CLOCK: variants seen among roughly 807,000 people sequenced by gnomAD.
CLOCK encodes the protein circadian locomoter output cycles protein kaput.
CLOCK carries 43 observed loss-of-function variants against 118.4 expected under a neutral mutation model. The observed-to-expected ratio is 0.36, with a 90% confidence interval of 0.28 to 0.47. The LOEUF is 0.47. Among genes scored for constraint, CLOCK ranks in the 20% least tolerant of loss-of-function variants. CLOCK has a pLI of 1.00. For synonymous variants in CLOCK, 326 were observed against 339.2 expected, an observed-to-expected ratio of 0.96 and a Z score of 0.43; for missense variants, 846 against 999.9, an observed-to-expected ratio of 0.85 and a Z score of 2.08.
intron 1 of CLOCK, among the ~76,000 whole-genome samples, chr4:55,544,423 T>C (rs1356637278): frequency 6.6e-6 from 1 of 152,142 alleles, no homozygotes; most frequent in Non-Finnish European, 1.5e-5. Context: ...AACTACACTC[T>C]GAAAGCAGCA....
rs566981369 is a variant in CLOCK, at chr4:55,531,876, T to C, written c.-290+14906A>G. ...GAAAAGAAAACCACGGTAATAACCATAATGAATAGTGATTTTTTAAATGTT... is the reference window on the plus strand; with the variant it reads ...GAAAAGAAAACCACGGTAATAACCACAATGAATAGTGATTTTTTAAATGTT... On this transcript the variant is annotated intron_variant, in intron 1 of 22. Coordinates refer to ENST00000513440, the MANE Select transcript of CLOCK (RefSeq NM_004898.4). Among the ~76,000 whole-genome samples the C allele has an allele frequency of 4.1e-5, 6 of 146,694 alleles. No individual in the cohort carries two copies. In the South Asian group the frequency reaches 1.3e-3, roughly 32 times the overall value.
At chr4:55,460,268 T>C (rs547242140) in intron 9 of CLOCK, among the ~76,000 whole-genome samples, 1 of 152,302 alleles carries the variant, frequency 6.6e-6, no homozygotes, top group Admixed American at 6.5e-5. Context: ...TGCTAATCCA[T>C]TTTCATACTA....
At chr4:55,540,379 A>C (rs1349616326) in intron 1 of CLOCK, 1 of 84,684 alleles carries the variant, frequency 1.2e-5, no homozygotes, top group Non-Finnish European at 2.2e-5. Context: ...GGGGCAAGAG[A>C]GGAGGGGAGA....
chr4:55,448,643 T>TGCGC (rs1180306682), intron 18 of CLOCK, 136 bp downstream of exon 18: 1 of 578,830 alleles, frequency 1.7e-6, no homozygotes, highest in African/African-American at 1.9e-5. Flanking sequence ...TGTGTGTGTG[T>TGCGC]GCTCCTACCT....
At chr4:55,470,679 T>A (rs1321830125) in intron 8 of CLOCK, 38 bp downstream of exon 8, 2 of 1,402,202 alleles carry the variant, frequency 1.4e-6, no homozygotes, top group African/African-American at 1.4e-5. Context: ...AAAATAGGCA[T>A]TTTAATACGA....
intron 3 of CLOCK, among the ~76,000 whole-genome samples, chr4:55,487,540 T>C (rs1727374628): frequency 6.6e-6 from 1 of 152,176 alleles, no homozygotes; most frequent in Non-Finnish European, 1.5e-5. Context: ...TTTTAACATG[T>C]CACCCCCATT....
chr4:55,451,398 CCT>C (rs112139787), intron 15 of CLOCK, among the ~76,000 whole-genome samples: 5 of 152,172 alleles, frequency 3.3e-5, no homozygotes, highest in Admixed American at 6.5e-5. Flanking sequence ...CTATTACCCC[CCT>C]GTTGTTGATT....
rs369874011 is a variant in CLOCK, at chr4:55,484,958, ATCTC to A, written c.-43-2134_-43-2131del. Among the ~76,000 whole-genome samples, 1,108 of 150,998 alleles carry A rather than the reference ATCTC, an allele frequency of 7.3e-3. 13 individuals are homozygous for A. The highest frequency in any genetic ancestry group is 0.025 in the African/African-American group (1,028 of 41,202). On this transcript the variant is annotated intron_variant, in intron 3 of 22. Coordinates refer to ENST00000513440, the MANE Select transcript of CLOCK (RefSeq NM_004898.4). ...CGTCCAGCTAATAGAACAACGTAAG[ATCTC>A]TCTCTCTCTCTCTTTTTTTGAGACA... is the stretch of plus-strand genomic sequence containing the variant.
At chr4:55,509,369 T>G (rs969101467) in intron 2 of CLOCK, among the ~76,000 whole-genome samples, 2 of 152,190 alleles carry the variant, frequency 1.3e-5, no homozygotes, top group African/African-American at 4.8e-5. Context: ...AACTTTCACG[T>G]GTCACAAGTT....
In CLOCK at chr4:55,430,948, ATCAC is replaced by A. The variant is rs899753802; in HGVS notation, c.*4463_*4466del. ...TCAAAGTTCATTTGGCTATCTTGAA[ATCAC>A]TCCCATAAACCAACTACGGTTCACT... is the stretch of plus-strand genomic sequence containing the variant. On this transcript the variant is annotated 3_prime_UTR_variant, in exon 23 of 23. Transcript: ENST00000513440. 1 of 152,206 alleles carries A rather than the reference ATCAC, an allele frequency of 6.6e-6. No individual in the cohort carries two copies. The highest frequency in any genetic ancestry group is 2.4e-5 in the African/African-American group (1 of 41,444). The allele number at this position is 152,206 out of a possible 1,614,324, so 9.4% of individuals were successfully genotyped here.
chr4:55,475,534 T>A (rs1288873492), intron 7 of CLOCK, among the ~76,000 whole-genome samples: 1 of 152,124 alleles, frequency 6.6e-6, no homozygotes, highest in Non-Finnish European at 1.5e-5. Context: ...TACAGAGAAA[T>A]CTTGAAAGGA....
chr4:55,453,934 T>G, intron 13 of CLOCK, 110 bp from the exon 14 acceptor site: 1 of 830,456 alleles, frequency 1.2e-6, no homozygotes, highest in Non-Finnish European at 1.9e-6. Flanking sequence ...ATTATTTTTC[T>G]GGCCTTTTGA....
At chr4:55,529,111 T>C (rs563814433) in intron 1 of CLOCK, among the ~76,000 whole-genome samples, 2 of 152,300 alleles carry the variant, frequency 1.3e-5, no homozygotes, top group South Asian at 2.1e-4. Context: ...TCCCCAGATA[T>C]ACAAGAAGAA....
chr4:55,437,194 G>T (rs1302461238), intron 22 of CLOCK, among the ~76,000 whole-genome samples: 1 of 152,100 alleles, frequency 6.6e-6, no homozygotes, highest in Non-Finnish European at 1.5e-5. Context: ...ACAAAGACAA[G>T]GATTATATTT....
intron 8 of CLOCK, among the ~76,000 whole-genome samples, chr4:55,465,572 G>T (rs1725678293): frequency 1.3e-5 from 2 of 152,152 alleles, no homozygotes; most frequent in Admixed American, 1.3e-4. Context: ...TGGCTTAAGG[G>T]ATAACCACAC....
At position 55,509,945 on chromosome 4, in the gene CLOCK, G is replaced by A. The variant is rs1174698022; in HGVS notation, c.-169C>T. The A allele has an allele frequency of 6.6e-6, 1 of 152,132 alleles. No homozygotes were observed. The highest frequency in any genetic ancestry group is 1.9e-4 in the East Asian group (1 of 5,192). 9.4% of individuals were successfully genotyped at this position (152,132 alleles called of 1,614,324 possible). A position where few individuals can be genotyped will look rare whatever the true frequency, so the allele number is the denominator to read the frequency against. On this transcript the variant is annotated 5_prime_UTR_variant, in exon 2 of 23. Coordinates refer to ENST00000513440, the MANE Select transcript of CLOCK (RefSeq NM_004898.4). The stretch of plus-strand genomic sequence containing the variant: ...TCAAAATGATGATTGAAGGTATCTA[G>A]TGAGACTTGCCAAGTTCTAAAGATT...
At chr4:55,544,411 C>T (rs1160693364) in intron 1 of CLOCK, among the ~76,000 whole-genome samples, 1 of 152,070 alleles carries the variant, frequency 6.6e-6, no homozygotes, top group African/African-American at 2.4e-5. Flanking sequence ...GGGGGAAACA[C>T]AAACTACACT....
At position 55,546,908 on chromosome 4, in the gene CLOCK, G is replaced by A. The variant is rs1560493764; in HGVS notation, c.-416C>T. 1 of 152,130 alleles carries A rather than the reference G, an allele frequency of 6.6e-6. No homozygotes were observed. Among genetic ancestry groups the A allele is most frequent in the Non-Finnish European group, 1.5e-5 (1 of 68,056 alleles). 9.4% of individuals were successfully genotyped at this position (152,130 alleles called of 1,614,324 possible). On this transcript the variant is annotated 5_prime_UTR_variant, in exon 1 of 23. Transcript: ENST00000513440. ...CCCCCTCCCGGCGCATGCGTCGTCA[G>A]CGACCCCGCGGGCTCAGACGGCCGG...
At chr4:55,484,362 G>C (rs143705227) in intron 3 of CLOCK, among the ~76,000 whole-genome samples, 1 of 151,990 alleles carries the variant, frequency 6.6e-6, no homozygotes, top group East Asian at 1.9e-4. Flanking sequence ...AGGGCTAAGA[G>C]TTCTTAAAAG....
Sources: gnomAD v4.1 joint callset for allele counts (sites outside exome capture counted in the v4.1 genomes callset) on GRCh38, gnomAD v4.1.1 for gene constraint, MANE v1.5 for transcripts, NCBI Gene and HGNC (gene_info 2026-07-23, HGNC 2026-07-21) for gene names.